Variants in PRKCA observed in about 807,000 individuals in gnomAD.
PRKCA encodes the protein protein kinase C alpha type.
PRKCA carries 27 observed loss-of-function variants against 87.0 expected under a neutral mutation model. The ratio of observed to expected loss-of-function variants is 0.31; its 90% CI spans 0.23 to 0.43. The LOEUF (loss-of-function observed/expected upper bound fraction) is 0.43. PRKCA is among the 20% of genes least tolerant of loss of function. The pLI is 1.00. For synonymous variants in PRKCA, 329 were observed against 311.1 expected (o/e 1.06, Z -0.61); for missense variants, 518 against 852.3 (o/e 0.61, Z 4.88).
At chr17:66,710,003 G>A (rs1010706097) in intron 8 of PRKCA, among the ~76,000 whole-genome samples, 1 of 152,104 alleles carries the variant, frequency 6.6e-6, no homozygotes, top group Non-Finnish European at 1.5e-5. Flanking sequence ...AAATACTCCA[G>A]GACCCCGTCA....
intron 2 of PRKCA, among the ~76,000 whole-genome samples, chr17:66,445,700 C>T (rs919420936): frequency 9.9e-5 from 15 of 151,996 alleles, no homozygotes; most frequent in African/African-American, 9.7e-5. Flanking sequence ...TGTCTGTTCC[C>T]GTGATTTTGA....
intron 3 of PRKCA, among the ~76,000 whole-genome samples, chr17:66,633,323 CT>C (rs1184634167): frequency 6.6e-6 from 1 of 152,076 alleles, no homozygotes; most frequent in Non-Finnish European, 1.5e-5. Context: ...AAAAAAACTG[CT>C]TCCTACTTCC....
At chr17:66,439,150 A>G (rs1913575702) in intron 2 of PRKCA, among the ~76,000 whole-genome samples, 1 of 152,016 alleles carries the variant, frequency 6.6e-6, no homozygotes, top group South Asian at 2.1e-4. Flanking sequence ...AGCCTGTACT[A>G]CATTAAATAC....
In PRKCA at chr17:66,792,532, A is replaced by G. The variant is rs1975565543; in HGVS notation, c.1854+3553A>G. On this transcript the variant is annotated intron_variant, in intron 16 of 16. Transcript: ENST00000413366. The surrounding 1 kb of genome is among the most constrained non-coding windows in gnomAD (Gnocchi z 4.5). ...ATCCCTCTTCCTGACTGCCAGAGTG[A>G]CTTGACTGAAGTTAACCTTTAGACC... Among the ~76,000 whole-genome samples the G allele has an allele frequency of 6.6e-6, 1 of 152,186 alleles. No individual in the cohort carries two copies. The highest frequency in any genetic ancestry group is 1.5e-5 in the Non-Finnish European group (1 of 68,034).
At chr17:66,406,815 G>C (rs1911434634) in intron 2 of PRKCA, among the ~76,000 whole-genome samples, 1 of 151,998 alleles carries the variant, frequency 6.6e-6, no homozygotes, top group Admixed American at 6.6e-5. Context: ...TGTCTGCCAG[G>C]TGAGAGAGGG....
intron 3 of PRKCA, among the ~76,000 whole-genome samples, chr17:66,575,225 A>T (rs1969197557): frequency 6.6e-6 from 1 of 152,220 alleles, no homozygotes; most frequent in Non-Finnish European, 1.5e-5. Flanking sequence ...CGCATCCCAG[A>T]TGATATAGTG....
At chr17:66,653,662 T>TG (rs1315086656) in intron 5 of PRKCA, among the ~76,000 whole-genome samples, 2 of 152,110 alleles carry the variant, frequency 1.3e-5, no homozygotes, top group African/African-American at 2.4e-5. Flanking sequence ...ATCAAGGAGT[T>TG]GGGGAATGGC....
chr17:66,648,403 G>T (rs1456195831), intron 5 of PRKCA, among the ~76,000 whole-genome samples: 1 of 152,204 alleles, frequency 6.6e-6, no homozygotes, highest in African/African-American at 2.4e-5. Flanking sequence ...AATCTGTGAA[G>T]AAGTTGACTT....
chr17:66,441,703 G>C (rs1188778323), intron 2 of PRKCA, among the ~76,000 whole-genome samples: 1 of 152,068 alleles, frequency 6.6e-6, no homozygotes, highest in African/African-American at 2.4e-5. Flanking sequence ...TTTTCAACCT[G>C]TAGCCAGTTT....
chr17:66,730,544 G>T (rs529185942), intron 8 of PRKCA, among the ~76,000 whole-genome samples: 53 of 152,308 alleles, frequency 3.5e-4, no homozygotes, highest in African/African-American at 1.3e-3. Flanking sequence ...TTCACACCAT[G>T]TAGGGTAACT....
chr17:66,752,646 G>A (rs912010070), intron 13 of PRKCA, among the ~76,000 whole-genome samples: 2 of 152,164 alleles, frequency 1.3e-5, no homozygotes, highest in African/African-American at 4.8e-5. Context: ...CCTCCATCAG[G>A]ACCCGGCAGG....
intron 3 of PRKCA, among the ~76,000 whole-genome samples, chr17:66,617,308 C>T (rs1431164308): frequency 2.0e-5 from 3 of 152,096 alleles, no homozygotes; most frequent in Non-Finnish European, 4.4e-5. Context: ...TTTTTCCCAT[C>T]CTGGCTCGTT....
rs550103068 is a variant in PRKCA, at chr17:66,642,540, C to T, written c.400+1074C>T. ...TGCCGAGCCTGTTTTTCTAATAGAT[C>T]GGGAACCACTGTGGAAATATCAGCC... On this transcript the variant is annotated intron_variant, in intron 4 of 16. Transcript: ENST00000413366. 3.9e-5 allele frequency among the ~76,000 whole-genome samples: 6 copies of T among 152,208 alleles called. No individual in the cohort carries two copies. In the South Asian group the frequency reaches 6.2e-4, roughly 16 times the overall value.
rs563429349 is a variant in PRKCA, at chr17:66,343,931, G to A, written c.205+37804G>A. ...ATGCCTACCATTGTATGTTTTCAGT[G>A]AGGGCTCATGAGTGGGTGTCTTGGG... On this transcript the variant is annotated intron_variant, in intron 2 of 16. Transcript: ENST00000413366. 2.6e-5 allele frequency among the ~76,000 whole-genome samples: 4 copies of A among 152,172 alleles called. No individual in the cohort carries two copies. The East Asian group carries it at 7.7e-4, about 29-fold the overall frequency.
At chr17:66,429,480 G>C (rs1912990283) in intron 2 of PRKCA, among the ~76,000 whole-genome samples, 1 of 152,124 alleles carries the variant, frequency 6.6e-6, no homozygotes, top group South Asian at 2.1e-4. Context: ...CTTCACTGTG[G>C]TTTGATTTGT....
At chr17:66,508,290 A>G (rs190046879) in intron 3 of PRKCA, among the ~76,000 whole-genome samples, 4 of 152,380 alleles carry the variant, frequency 2.6e-5, no homozygotes, top group African/African-American at 2.4e-5. Context: ...AATCTAGCAC[A>G]TTCCAAAACA....
rs1317682115 is a variant in PRKCA at position 66,804,081 on chromosome 17, C to A, written c.*44C>A. On this transcript the variant is annotated 3_prime_UTR_variant, in exon 17 of 17. Transcript: ENST00000413366. ...AACACCTCCCCAGCCCCCAGCCCTC[C>A]CCGCAGTGGGAAGTGAATCCTTAAC... 1.3e-6 allele frequency: 2 copies of A among 1,576,676 alleles called. No individual in the cohort carries two copies. The highest frequency in any genetic ancestry group is 3.5e-5 in the Admixed American group (2 of 57,690).
intron 2 of PRKCA, among the ~76,000 whole-genome samples, chr17:66,453,232 C>G (rs766684965): frequency 6.6e-6 from 1 of 152,118 alleles, no homozygotes; most frequent in Non-Finnish European, 1.5e-5. Flanking sequence ...TGAGGGAATC[C>G]CAGGAAAAGA....
chr17:66,483,970 C>T (rs773386807), intron 2 of PRKCA, among the ~76,000 whole-genome samples: 2 of 151,920 alleles, frequency 1.3e-5, no homozygotes, highest in Non-Finnish European at 2.9e-5. Context: ...AAGAGATACC[C>T]GAGACTAGGT....
Sources: allele counts gnomAD v4.1 joint callset (sites outside exome capture counted in the v4.1 genomes callset), GRCh38; gene constraint gnomAD v4.1.1; non-coding constraint Gnocchi (gnomAD v3.1); transcripts MANE v1.5; gene names NCBI Gene and HGNC (gene_info 2026-07-23, HGNC 2026-07-21).